The following IST1 variants were observed in gnomAD, a reference collection of about 807,000 sequenced individuals.
The protein encoded by IST1 is IST1 homolog.
IST1 carries 23 observed loss-of-function variants against 37.0 expected under a neutral mutation model. That is an observed-to-expected ratio of 0.62 (90% CI 0.45 to 0.88). The LOEUF is 0.88. Ranked by LOEUF, IST1 falls within the 40% of genes least tolerant of loss-of-function variation. The pLI is 0.00. For synonymous variants in IST1, 180 were observed against 161.7 expected (o/e 1.11, Z -0.86); for missense variants, 488 against 445.4 (o/e 1.10, Z -0.86).
intron 1 of IST1, among the ~76,000 whole-genome samples, chr16:71,900,258 C>T (rs1490206767): frequency 1.3e-5 from 2 of 151,262 alleles, no homozygotes. Flanking sequence ...CCAGTCTTGA[C>T]CTTGCTCTCT....
chr16:71,906,456 C>T (rs530221894), intron 1 of IST1, among the ~76,000 whole-genome samples: 3 of 151,102 alleles, frequency 2.0e-5, no homozygotes, highest in Admixed American at 6.6e-5. Flanking sequence ...TACAGGTGCC[C>T]GCCACCACGC....
chr16:71,906,002 C>CTT (rs35581900), intron 1 of IST1, among the ~76,000 whole-genome samples: 16,234 of 127,652 alleles, frequency 0.13, 1,340 homozygotes, highest in South Asian at 0.38. Flanking sequence ...TTAAGCAATT[C>CTT]TTTTTTTTTT....
chr16:71,916,554 C>G lies in IST1; in HGVS notation c.181C>G (p.Arg61Gly). 1 of 1,613,914 alleles carries G rather than the reference C, an allele frequency of 6.2e-7. No individual in the cohort carries two copies. The highest frequency in any genetic ancestry group is 8.5e-7 in the Non-Finnish European group (1 of 1,179,846). ...TCGGATCCGTGTGGAGCACATTATC[C>G]GGGAAGACTACCTCGTGGAGGCCAT... ...RARIRVEHIIREDYLVEAMEI... is the reference protein window; with the variant it reads ...RARIRVEHIIGEDYLVEAMEI... The change falls in exon 3 of 10, where the codon CGG (arginine) becomes GGG (glycine). Residue 61 changes from arginine (R) to glycine (G), a missense_variant. Transcript: ENST00000378799.
chr16:71,900,460 T>A (rs1337835914), intron 1 of IST1, among the ~76,000 whole-genome samples: 1 of 150,784 alleles, frequency 6.6e-6, no homozygotes, highest in Non-Finnish European at 1.5e-5. Flanking sequence ...CCAGATATCC[T>A]AAGAGGAAGG....
At chr16:71,924,142 G>C in intron 8 of IST1, 1 of 455,972 alleles carries the variant, frequency 2.2e-6, no homozygotes, top group Non-Finnish European at 4.4e-6. Context: ...GGTTTTGCAT[G>C]CGTCACATAA....
At chr16:71,895,081 C>T (rs1049933638), upstream of IST1, 23 of 408,336 alleles carry the variant, frequency 5.6e-5, no homozygotes, top group Admixed American at 2.6e-4. Flanking sequence ...GCTTCGAAAC[C>T]CCCTCGGCCG....
At chr16:71,916,367 G>A in intron 2 of IST1, 95 bp from the exon 3 acceptor site, 1 of 1,220,842 alleles carries the variant, frequency 8.2e-7, no homozygotes, top group Non-Finnish European at 1.2e-6. Flanking sequence ...GGATATAGTA[G>A]AAACACCCAG....
chr16:71,896,700 C>A (rs915857618), intron 1 of IST1, among the ~76,000 whole-genome samples: 2 of 152,094 alleles, frequency 1.3e-5, no homozygotes, highest in Non-Finnish European at 2.9e-5. Context: ...ATAAAACTGG[C>A]CAGATGTGGT....
At chr16:71,924,614 C>G in intron 8 of IST1, 155 bp from the exon 9 acceptor site, 1 of 661,358 alleles carries the variant, frequency 1.5e-6, no homozygotes, top group Admixed American at 2.4e-5. Context: ...AACATAGTAT[C>G]TACCTGATTG....
chr16:71,916,776 A>T, intron 3 of IST1, 134 bp downstream of exon 3: 1 of 775,848 alleles, frequency 1.3e-6, no homozygotes, highest in Non-Finnish European at 2.0e-6. Context: ...AAGGCCTGTT[A>T]AAAAGAAAAT....
At position 71,928,023 on chromosome 16, in the gene IST1, C is replaced by T. The variant is rs964868580; in HGVS notation, c.*210C>T. ...TAACAATTGGAGACTGAGGCCAGAG[C>T]AACTGGCTCCTGGCAGCTGTGCTTG... On this transcript the variant is annotated 3_prime_UTR_variant, in exon 10 of 10. Transcript: ENST00000378799. The T allele has an allele frequency of 1.9e-5, 10 of 537,434 alleles. No homozygotes were observed. In the African/African-American group the frequency reaches 1.9e-4, roughly 10 times the overall value. 33.3% of individuals were successfully genotyped at this position (537,434 alleles called of 1,614,324 possible). A position where few individuals can be genotyped will look rare whatever the true frequency, so the allele number is the denominator to read the frequency against.
intron 1 of IST1, among the ~76,000 whole-genome samples, chr16:71,896,123 T>A (rs192903337): frequency 6.6e-6 from 1 of 152,270 alleles, no homozygotes; most frequent in East Asian, 1.9e-4. Flanking sequence ...AAAATTACAA[T>A]TTCTTTCGCT....
intron 1 of IST1, among the ~76,000 whole-genome samples, chr16:71,901,230 T>C (rs2037100588): frequency 6.6e-6 from 1 of 152,192 alleles, no homozygotes; most frequent in African/African-American, 2.4e-5. Flanking sequence ...TTCTTTTTTT[T>C]TGAGACGGAA....
chr16:71,907,341 G>A (rs1330425698), intron 1 of IST1, among the ~76,000 whole-genome samples: 1 of 149,706 alleles, frequency 6.7e-6, no homozygotes, highest in East Asian at 2.0e-4. Flanking sequence ...GCAGTGGTGC[G>A]ATCTCCGCTC....
chr16:71,895,314 G>GCGTGGCGCTTCCCCCAACGTCTGC (rs2036939271), upstream of IST1: 1 of 155,194 alleles, frequency 6.4e-6, no homozygotes, highest in Non-Finnish European at 1.4e-5. Flanking sequence ...GACTCAGTCG[G>GCGTGGCGCTTCCCCCAACGTCTGC]CGTGGCGCTT....
At chr16:71,915,564 A>G in intron 1 of IST1, 62 bp from the exon 2 acceptor site, 1 of 1,037,338 alleles carries the variant, frequency 9.6e-7, no homozygotes. Context: ...CACCCCTAAG[A>G]GGTGTTAGTT....
intron 1 of IST1, among the ~76,000 whole-genome samples, chr16:71,898,894 G>A (rs1172385037): frequency 6.6e-6 from 1 of 150,660 alleles, no homozygotes; most frequent in East Asian, 1.9e-4. Context: ...GAACCTAGGA[G>A]GCGGAGATTG....
intron 1 of IST1, among the ~76,000 whole-genome samples, chr16:71,898,513 C>T (rs1273943549): frequency 6.6e-6 from 1 of 151,288 alleles, no homozygotes; most frequent in African/African-American, 2.4e-5. Flanking sequence ...GTGAAACCCC[C>T]TCTCTACTGT....
At chr16:71,919,082 G>C (rs1253812738) in intron 4 of IST1, among the ~76,000 whole-genome samples, 1 of 152,138 alleles carries the variant, frequency 6.6e-6, no homozygotes, top group Non-Finnish European at 1.5e-5. Context: ...AGAACCACCT[G>C]AGGGTTTTGT....
Sources: gnomAD v4.1 joint callset for allele counts (sites outside exome capture counted in the v4.1 genomes callset) on GRCh38, gnomAD v4.1.1 for gene constraint, MANE v1.5 for transcripts, NCBI Gene and HGNC (gene_info 2026-07-23, HGNC 2026-07-21) for gene names.